The following PPP1R16B variants were observed in gnomAD, a reference collection of about 807,000 sequenced individuals.
The protein encoded by PPP1R16B is protein phosphatase 1 regulatory inhibitor subunit 16B.
A neutral mutation model predicts 61.7 loss-of-function variants in PPP1R16B; 14 were observed. That is an observed-to-expected ratio of 0.23 (90% CI 0.15 to 0.35). The LOEUF (loss-of-function observed/expected upper bound fraction) is 0.35, where lower values mean the gene tolerates loss of function less well. Among genes scored for constraint, PPP1R16B ranks in the 10% least tolerant of loss-of-function variants. The pLI is 1.00. For missense variants in PPP1R16B, 547 were observed against 752.5 expected, an observed-to-expected ratio of 0.73 and a Z score of 3.19; for synonymous variants, 266 against 305.3, an observed-to-expected ratio of 0.87 and a Z score of 1.34.
intron 6 of PPP1R16B, among the ~76,000 whole-genome samples, chr20:38,903,599 A>G (rs375033752): frequency 6.7e-6 from 1 of 149,342 alleles, no homozygotes; most frequent in African/African-American, 2.5e-5. Context: ...CCATCCATCC[A>G]TCCATCCATC....
In PPP1R16B at chr20:38,908,135, C is replaced by T. The variant is rs142387028; in HGVS notation, c.1136C>T (p.Thr379Ile). 8 of 1,614,222 alleles carry T rather than the reference C, an allele frequency of 5.0e-6. No individual in the cohort carries two copies. The highest frequency in any genetic ancestry group is 6.8e-6 in the Non-Finnish European group (8 of 1,180,034). The change falls in exon 10 of 11, where the codon ACC (threonine) becomes ATC (isoleucine). Residue 379 changes from threonine to isoleucine, a missense_variant. Coordinates refer to ENST00000299824, the MANE Select transcript of PPP1R16B (RefSeq NM_015568.4). Reference sequence around the variant, plus strand: ...CGGAGTGCAGCTGAGGATCAGCGGACCTCCACCTACAACGGGGACATCAGG... The same window carrying T: ...CGGAGTGCAGCTGAGGATCAGCGGATCTCCACCTACAACGGGGACATCAGG... ...WQRSAAEDQRTSTYNGDIRET... is the reference protein window; with the variant it reads ...WQRSAAEDQRISTYNGDIRET...
intron 10 of PPP1R16B, among the ~76,000 whole-genome samples, chr20:38,915,672 T>G (rs1405305287): frequency 2.0e-5 from 3 of 152,120 alleles, no homozygotes; most frequent in Admixed American, 1.3e-4. Flanking sequence ...TTTCTTTTAG[T>G]AGACACAAGG....
intron 2 of PPP1R16B, among the ~76,000 whole-genome samples, chr20:38,847,239 G>A (rs552311038): frequency 6.6e-6 from 1 of 152,278 alleles, no homozygotes; most frequent in African/African-American, 2.4e-5. Flanking sequence ...TGATATATTT[G>A]ATATATGGAA....
chr20:38,836,305 C>G (rs944806977), intron 2 of PPP1R16B, 130 bp downstream of exon 2: 3 of 1,340,036 alleles, frequency 2.2e-6, no homozygotes, highest in Non-Finnish European at 3.0e-6. Context: ...TCCAGCAGCC[C>G]CATTCCTCTT....
rs995873909 is a variant in PPP1R16B, at chr20:38,876,030, A to G, written c.251-13565A>G. The stretch of plus-strand genomic sequence containing the variant: ...CTCTTGTTGCCCAGGCTGGAGTGCA[A>G]TGGTGGGATCTTAACTCACTGCAAC... On this transcript the variant is annotated intron_variant, in intron 2 of 10. Coordinates refer to ENST00000299824, the MANE Select transcript of PPP1R16B (RefSeq NM_015568.4). Among the ~76,000 whole-genome samples, 3 of 145,006 alleles carry G rather than the reference A, an allele frequency of 2.1e-5. No individual in the cohort carries two copies. In the South Asian group the frequency reaches 6.5e-4, roughly 32 times the overall value.
At chr20:38,837,868 A>G (rs563825087) in intron 2 of PPP1R16B, among the ~76,000 whole-genome samples, 9 of 152,268 alleles carry the variant, frequency 5.9e-5, no homozygotes, top group Non-Finnish European at 7.3e-5. Flanking sequence ...GATTTTATGG[A>G]TACCTTGTAC....
intron 7 of PPP1R16B, among the ~76,000 whole-genome samples, chr20:38,906,434 C>A (rs2085444198): frequency 1.3e-5 from 2 of 151,876 alleles, no homozygotes; most frequent in Non-Finnish European, 2.9e-5. Context: ...GCTGGGATTA[C>A]AGGCATGTGC....
intron 2 of PPP1R16B, among the ~76,000 whole-genome samples, chr20:38,862,623 C>A (rs2085060392): frequency 6.6e-6 from 1 of 152,202 alleles, no homozygotes; most frequent in African/African-American, 2.4e-5. Context: ...AATGGATGGG[C>A]CTCATCATCC....
intron 10 of PPP1R16B, 62 bp downstream of exon 10, chr20:38,908,255 G>A: frequency 6.3e-7 from 1 of 1,582,536 alleles, no homozygotes; most frequent in Non-Finnish European, 8.6e-7. Context: ...ACAGGGCCCA[G>A]CCTGGCCTTG....
chr20:38,888,916 CACACACACACA>C (rs1568675481), intron 2 of PPP1R16B, among the ~76,000 whole-genome samples: 54 of 151,652 alleles, frequency 3.6e-4, no homozygotes, highest in Non-Finnish European at 6.8e-4. Context: ...CACACACACA[CACACACACACA>C]CCCCTAGACA....
chr20:38,894,620 G>A (rs1750558713), intron 3 of PPP1R16B, among the ~76,000 whole-genome samples: 1 of 152,210 alleles, frequency 6.6e-6, no homozygotes, highest in South Asian at 2.1e-4. Flanking sequence ...GGTGGGCAGG[G>A]CTGAGCCTGT....
At chr20:38,870,866 C>T (rs1216485680) in intron 2 of PPP1R16B, among the ~76,000 whole-genome samples, 21 of 151,726 alleles carry the variant, frequency 1.4e-4, no homozygotes, top group Non-Finnish European at 2.5e-4. Context: ...AGGGTTGGGG[C>T]GTGGTTAGTG....
At chr20:38,866,150 TA>T (rs1392922353) in intron 2 of PPP1R16B, among the ~76,000 whole-genome samples, 2 of 151,688 alleles carry the variant, frequency 1.3e-5, no homozygotes, top group Non-Finnish European at 2.9e-5. Flanking sequence ...TAAAAATAAA[TA>T]AATAAATAAT....
intron 2 of PPP1R16B, among the ~76,000 whole-genome samples, chr20:38,882,908 G>C (rs937610700): frequency 6.6e-6 from 1 of 152,166 alleles, no homozygotes; most frequent in Non-Finnish European, 1.5e-5. Context: ...TCAGAGCTCG[G>C]TTTTTGTTTT....
At chr20:38,883,671 G>A (rs2085220124) in intron 2 of PPP1R16B, among the ~76,000 whole-genome samples, 2 of 152,254 alleles carry the variant, frequency 1.3e-5, no homozygotes, top group African/African-American at 2.4e-5. Context: ...TCCCTGGAGG[G>A]AGACTGCCTC....
At chr20:38,877,407 T>G (rs2085175223) in intron 2 of PPP1R16B, among the ~76,000 whole-genome samples, 1 of 151,988 alleles carries the variant, frequency 6.6e-6, no homozygotes, top group Non-Finnish European at 1.5e-5. Flanking sequence ...CCTCCCAGGT[T>G]CAAGCAATTC....
At chr20:38,882,875 A>G (rs1357321831) in intron 2 of PPP1R16B, among the ~76,000 whole-genome samples, 2 of 152,200 alleles carry the variant, frequency 1.3e-5, no homozygotes, top group Non-Finnish European at 2.9e-5. Context: ...CATAGGAAAC[A>G]GTGTGTGCAA....
intron 2 of PPP1R16B, among the ~76,000 whole-genome samples, chr20:38,887,091 C>T (rs769902686): frequency 3.3e-4 from 50 of 151,896 alleles, no homozygotes; most frequent in Non-Finnish European, 6.3e-4. Flanking sequence ...GAGGCAGATG[C>T]ATGGATGATG....
At position 38,918,346 on chromosome 20, in the gene PPP1R16B, G is replaced by A. The variant is rs1236955516; in HGVS notation, c.1384G>A (p.Val462Met). 26 of 1,614,020 alleles carry A rather than the reference G, an allele frequency of 1.6e-5. No individual in the cohort carries two copies. Among genetic ancestry groups the A allele is most frequent in the Admixed American group, 5.0e-5 (3 of 59,994 alleles). The change falls in exon 11 of 11, where the codon GTG (valine) becomes ATG (methionine). Residue 462 changes from valine (V) to methionine (M), a missense_variant. By Grantham distance (21) the Val-to-Met change is conservative (BLOSUM62 1). Transcript: ENST00000299824. This position sits in a 1 kb window ranked among gnomAD's most constrained non-coding sequence, Gnocchi z 5.3. The stretch of plus-strand genomic sequence containing the variant: ...CAGCATGGCCTATGGCAACCCTGGC[G>A]TGGCCGACGCCACCCCGCCCTGGAG... Reference protein sequence around the residue: ...DYSMAYGNPGVADATPPWSSY... With the variant: ...DYSMAYGNPGMADATPPWSSY...
Sources: allele counts gnomAD v4.1 joint callset (sites outside exome capture counted in the v4.1 genomes callset), GRCh38; gene constraint gnomAD v4.1.1; non-coding constraint Gnocchi (gnomAD v3.1); transcripts MANE v1.5; gene names NCBI Gene and HGNC (gene_info 2026-07-23, HGNC 2026-07-21).